PKHD1L1: variants seen among roughly 807,000 people sequenced by gnomAD.
PKHD1L1 encodes the protein PKHD1 like 1.
Under a neutral mutation model 462.9 loss-of-function variants are expected in PKHD1L1, and 434 were observed. The observed-to-expected ratio is 0.94, with a 90% CI of 0.87 to 1.02. The LOEUF is 1.02. PKHD1L1 is among the 50% of genes least tolerant of loss of function. The pLI is 0.00. For missense variants in PKHD1L1, 5,202 were observed against 5,096.1 expected (o/e 1.02, Z -0.63); for synonymous variants, 1,781 against 1,750.0 (o/e 1.02, Z -0.44).
At chr8:109,415,907 A>AGGGG (rs1563752460) in intron 21 of PKHD1L1, among the ~76,000 whole-genome samples, 1 of 121,756 alleles carries the variant, frequency 8.2e-6, no homozygotes, top group South Asian at 2.7e-4. Context: ...GTGTGTGTGT[A>AGGGG]GGAAATCATA....
At chr8:109,416,231 G>T (rs1232256309) in intron 21 of PKHD1L1, among the ~76,000 whole-genome samples, 6 of 152,092 alleles carry the variant, frequency 3.9e-5, no homozygotes, top group Admixed American at 3.9e-4. Context: ...GCATTAAAAA[G>T]ATAATGATTG....
intron 2 of PKHD1L1, among the ~76,000 whole-genome samples, chr8:109,370,221 T>C (rs975912919): frequency 6.6e-6 from 1 of 152,052 alleles, no homozygotes; most frequent in Non-Finnish European, 1.5e-5. Context: ...CAGGTTCAAG[T>C]GATTCTCCTG....
chr8:109,421,578 C>A, intron 23 of PKHD1L1, among the ~76,000 whole-genome samples: 1 of 151,786 alleles, frequency 6.6e-6, no homozygotes, highest in East Asian at 1.9e-4. Context: ...GTCAGAAGAT[C>A]GAGACCATCC....
At chr8:109,370,714 T>C (rs1479898698) in intron 2 of PKHD1L1, among the ~76,000 whole-genome samples, 2 of 152,108 alleles carry the variant, frequency 1.3e-5, no homozygotes, top group African/African-American at 2.4e-5. Flanking sequence ...TGTGTCCATG[T>C]GTTCTCATTG....
At position 109,383,956 on chromosome 8, in the gene PKHD1L1, T is replaced by C; in HGVS notation, c.418-114T>C. On this transcript the variant is annotated intron_variant, in intron 4 of 77. Transcript: ENST00000378402. ...TTATTTAAATATCTTCTTTCCTACA[T>C]GACAGTTACATTATGAATATTGTTG... is the stretch of plus-strand genomic sequence containing the variant. 4 of 761,936 alleles carry C rather than the reference T, an allele frequency of 5.2e-6. No homozygotes were observed. The South Asian group carries it at 5.9e-5, about 11-fold the overall frequency. 47.2% of individuals were successfully genotyped at this position (761,936 alleles called of 1,614,324 possible).
Position 109,466,687 on chromosome 8 carries a change from A to G in PKHD1L1, c.8523A>G (p.Ser2841=), listed in dbSNP as rs1170755067. ...IGFPGSVCDA[S]VSFHRLAFNQ... is the part of the protein sequence containing the mutation. ...TCCCTGGATCAGTCTGTGATGCTTC[A>G]GTCAGCTTTCACCGTTTAGCGTTCA... is the stretch of plus-strand genomic sequence containing the variant. The change falls in exon 50 of 78, where the codon TCA becomes TCG. Residue 2841 remains serine (S), a synonymous_variant. Coordinates refer to ENST00000378402, the MANE Select transcript of PKHD1L1 (RefSeq NM_177531.6). The G allele has an allele frequency of 1.2e-6, 2 of 1,612,610 alleles. No individual in the cohort carries two copies. Among genetic ancestry groups the G allele is most frequent in the African/African-American group, 1.3e-5 (1 of 74,894 alleles).
At chr8:109,513,257 G>T (rs1347608160) in intron 71 of PKHD1L1, among the ~76,000 whole-genome samples, 1 of 151,944 alleles carries the variant, frequency 6.6e-6, no homozygotes, top group Non-Finnish European at 1.5e-5. Flanking sequence ...GTGAGAGAGG[G>T]CATCCCTGTC....
intron 2 of PKHD1L1, among the ~76,000 whole-genome samples, chr8:109,380,443 T>C (rs888725939): frequency 6.6e-6 from 1 of 152,218 alleles, no homozygotes; most frequent in African/African-American, 2.4e-5. Flanking sequence ...ACTCAACTTA[T>C]GCTTCCAGCT....
intron 24 of PKHD1L1, 70 bp from the exon 25 acceptor site, chr8:109,426,932 C>G: frequency 1.1e-6 from 1 of 877,338 alleles, no homozygotes; most frequent in Non-Finnish European, 1.9e-6. Flanking sequence ...AGATTACAGG[C>G]GTGAACCACC....
At chr8:109,399,265 T>C (rs1222736617) in intron 12 of PKHD1L1, among the ~76,000 whole-genome samples, 7 of 152,192 alleles carry the variant, frequency 4.6e-5, no homozygotes, top group Non-Finnish European at 7.4e-5. Context: ...AAATTGTGTA[T>C]ATCACTAGAC....
At chr8:109,427,680 A>G (rs1444361444) in intron 25 of PKHD1L1, among the ~76,000 whole-genome samples, 2 of 152,150 alleles carry the variant, frequency 1.3e-5, no homozygotes, top group African/African-American at 4.8e-5. Flanking sequence ...AGTCAGGCCC[A>G]GAGTATGTGA....
At chr8:109,519,411 C>T (rs903186599) in intron 73 of PKHD1L1, among the ~76,000 whole-genome samples, 5 of 152,070 alleles carry the variant, frequency 3.3e-5, no homozygotes, top group Non-Finnish European at 5.9e-5. Flanking sequence ...CCTCCGTCCT[C>T]ATGTTATCAT....
chr8:109,364,413 G>A, intron 1 of PKHD1L1, 134 bp from the exon 2 acceptor site: 1 of 691,404 alleles, frequency 1.4e-6, no homozygotes, highest in Non-Finnish European at 2.4e-6. Flanking sequence ...AATAAAACCT[G>A]GGTGAATTTT....
chr8:109,427,087 G>A lies in PKHD1L1; in HGVS notation c.2931G>A (p.Glu977=), dbSNP rs1337120345. 2 of 1,613,976 alleles carry A rather than the reference G, an allele frequency of 1.2e-6. No individual in the cohort carries two copies. Among genetic ancestry groups the A allele is most frequent in the East Asian group, 2.2e-5 (1 of 44,872 alleles). The change falls in exon 25 of 78, where the codon GAG becomes GAA. Residue 977 remains glutamate, a synonymous_variant. Transcript: ENST00000378402. The part of the protein sequence containing the change: ...EGMGRISVTR[E]GTCAGYAWNI... ...TGGGAAGAATCTCAGTTACACGAGA[G>A]GGAACCTGTGCTGGCTACGCGTGGA...
At chr8:109,501,834 AATAGCATGCCTTTT>A (rs774948228) in intron 67 of PKHD1L1, among the ~76,000 whole-genome samples, 48 of 152,246 alleles carry the variant, frequency 3.2e-4, no homozygotes, top group Admixed American at 6.5e-4. Context: ...ATTGGTGGGA[AATAGCATGCCTTTT>A]ATACCCATTT....
At chr8:109,412,451 A>G in intron 20 of PKHD1L1, 37 bp downstream of exon 20, 2 of 1,529,028 alleles carry the variant, frequency 1.3e-6, no homozygotes, top group Non-Finnish European at 1.8e-6. Context: ...TTGAATCTGG[A>G]AAATACCTTG....
chr8:109,436,535 G>A lies in PKHD1L1; in HGVS notation c.3627+76G>A, dbSNP rs186944598. 2,834 of 1,560,216 alleles carry A rather than the reference G, an allele frequency of 1.8e-3. 2 individuals carry two copies. The highest frequency in any genetic ancestry group is 2.0e-3 in the Non-Finnish European group (2,331 of 1,159,794). ...AAATTAGGAAACATCTCAGTGGGGC[G>A]GGGGGTGAAACAAGTGGTGTATTTA... On this transcript the variant is annotated intron_variant, in intron 30 of 77. Coordinates refer to ENST00000378402, the MANE Select transcript of PKHD1L1 (RefSeq NM_177531.6).
chr8:109,383,151 ATATATT>A (rs1812224761), intron 4 of PKHD1L1, among the ~76,000 whole-genome samples: 1 of 65,254 alleles, frequency 1.5e-5, no homozygotes, highest in African/African-American at 7.0e-5. Flanking sequence ...TATATATTAT[ATATATT>A]TATATATAAT....
rs1344086182 is a variant in PKHD1L1, at chr8:109,534,634, A to T, written c.*4544A>T. 6.6e-6 allele frequency among the ~76,000 whole-genome samples: 1 copy of T among 152,160 alleles called. No individual in the cohort carries two copies. The highest frequency in any genetic ancestry group is 1.5e-5 in the Non-Finnish European group (1 of 68,032). On this transcript the variant is annotated 3_prime_UTR_variant, in exon 78 of 78. Transcript: ENST00000378402. ...GGAGTGTTCAGTCTCCAGTGAAAGA[A>T]ATATTAAGATTTATTCCCCCAATTT...
Sources: gnomAD v4.1 joint callset for allele counts (sites outside exome capture counted in the v4.1 genomes callset) on GRCh38, gnomAD v4.1.1 for gene constraint, MANE v1.5 for transcripts, NCBI Gene and HGNC (gene_info 2026-07-23, HGNC 2026-07-21) for gene names.